Variants in KATNIP observed in about 807,000 individuals in gnomAD.
KATNIP encodes katanin-interacting protein.
KATNIP carries 126 observed loss-of-function variants against 174.0 expected under a neutral mutation model. The ratio of observed to expected loss-of-function variants is 0.72; its 90% CI spans 0.63 to 0.84. KATNIP has a LOEUF of 0.84. Among genes scored for constraint, KATNIP ranks in the 40% least tolerant of loss-of-function variants. The probability of loss-of-function intolerance (pLI) is 0.00; values close to 1 mark genes in which losing one functional copy is unlikely to be tolerated. For missense variants in KATNIP, 1,958 were observed against 2,109.7 expected (o/e 0.93, Z 1.41); for synonymous variants, 810 against 835.7 (o/e 0.97, Z 0.53).
At chr16:27,692,842 C>T (rs2142924236) in intron 8 of KATNIP, among the ~76,000 whole-genome samples, 1 of 152,332 alleles carries the variant, frequency 6.6e-6, no homozygotes, top group East Asian at 1.9e-4. Flanking sequence ...CCAAGAGCAG[C>T]ATCTCACTCA....
intron 14 of KATNIP, among the ~76,000 whole-genome samples, chr16:27,726,467 T>C (rs941347364): frequency 1.3e-5 from 2 of 152,090 alleles, no homozygotes; most frequent in African/African-American, 4.8e-5. Context: ...GCACTTTACA[T>C]TGTAATTAAT....
At chr16:27,650,097 C>T (rs1408058526) in intron 6 of KATNIP, among the ~76,000 whole-genome samples, 4 of 151,778 alleles carry the variant, frequency 2.6e-5, no homozygotes, top group South Asian at 2.1e-4. Context: ...CTCTTGAACC[C>T]GGGAGGCAGA....
intron 1 of KATNIP, among the ~76,000 whole-genome samples, chr16:27,551,688 C>T (rs531944033): frequency 6.6e-6 from 1 of 152,272 alleles, no homozygotes; most frequent in South Asian, 2.1e-4. Flanking sequence ...AGTTCGAGAC[C>T]AGCCTGGCCA....
Position 27,660,784 on chromosome 16 carries a change from C to A in KATNIP, c.540+12049C>A, listed in dbSNP as rs114251692. Among the ~76,000 whole-genome samples, 1,109 of 152,182 alleles carry A rather than the reference C, an allele frequency of 7.3e-3. 23 individuals are homozygous for A. The highest frequency in any genetic ancestry group is 0.025 in the African/African-American group (1,046 of 41,522). On this transcript the variant is annotated intron_variant, in intron 6 of 27. Transcript: ENST00000261588. The stretch of plus-strand genomic sequence containing the variant: ...TCAAGTAGCTCAGGATACAGGCACA[C>A]ACCACCGCATCCAGCTATTGCTCTA...
chr16:27,724,729 T>C (rs2080378266), intron 14 of KATNIP, among the ~76,000 whole-genome samples: 1 of 152,204 alleles, frequency 6.6e-6, no homozygotes, highest in Admixed American at 6.5e-5. Flanking sequence ...TGATTTAATA[T>C]TCTCCAGAGG....
At chr16:27,557,430 ATTTT>A (rs35106167) in intron 1 of KATNIP, among the ~76,000 whole-genome samples, 4 of 119,416 alleles carry the variant, frequency 3.3e-5, no homozygotes, top group East Asian at 2.5e-4. Context: ...ACAGGTGTGG[ATTTT>A]TTTTTTTTTT....
Position 27,658,460 on chromosome 16 carries a change from T to C in KATNIP, c.540+9725T>C, listed in dbSNP as rs376947690. Among the ~76,000 whole-genome samples, 287 of 152,350 alleles carry C rather than the reference T, an allele frequency of 1.9e-3. 11 individuals are homozygous for C. In the South Asian group the frequency reaches 0.056, roughly 30 times the overall value. ...ATCTTTTAAGTTACTTTGGACTTTT[T>C]GGCTTAGATTTGAGGACTGTAAAAA... On this transcript the variant is annotated intron_variant, in intron 6 of 27. Transcript: ENST00000261588.
chr16:27,620,197 G>A (rs749101050), intron 3 of KATNIP, among the ~76,000 whole-genome samples: 1 of 152,180 alleles, frequency 6.6e-6, no homozygotes, highest in Non-Finnish European at 1.5e-5. Context: ...AAATTTGGGG[G>A]GACGTGTTGT....
In KATNIP at chr16:27,763,912, C is replaced by T. The variant is rs1397647815; in HGVS notation, c.3809+2322C>T. ...GGTATTGTTTAGTCTGCTCCTTGCT[C>T]CCCTGTATTTCTAGTACATTGTTAA... On this transcript the variant is annotated intron_variant, in intron 19 of 27. Transcript: ENST00000261588. Among the ~76,000 whole-genome samples the T allele has an allele frequency of 2.6e-5, 4 of 152,104 alleles. No individual in the cohort carries two copies. The East Asian group carries it at 7.7e-4, about 29-fold the overall frequency.
chr16:27,621,052 T>C (rs1018946189), intron 3 of KATNIP, among the ~76,000 whole-genome samples: 1 of 152,066 alleles, frequency 6.6e-6, no homozygotes, highest in Non-Finnish European at 1.5e-5. Flanking sequence ...TAACCCCAAC[T>C]ATGCAGGAGG....
At chr16:27,754,561 C>G in intron 18 of KATNIP, 1 of 332,310 alleles carries the variant, frequency 3.0e-6, no homozygotes, top group Non-Finnish European at 5.6e-6. Context: ...TAGTTGGCAC[C>G]CAGAAAGTGT....
At chr16:27,744,581 C>A (rs890482739) in intron 15 of KATNIP, among the ~76,000 whole-genome samples, 6 of 150,882 alleles carry the variant, frequency 4.0e-5, no homozygotes, top group African/African-American at 1.5e-4. Flanking sequence ...GAGACCCTGT[C>A]TCTAAAAAAA....
chr16:27,703,627 G>C (rs1033627517), intron 11 of KATNIP, among the ~76,000 whole-genome samples: 4 of 152,204 alleles, frequency 2.6e-5, no homozygotes, highest in Admixed American at 2.6e-4. Context: ...CTCTGCTCTT[G>C]ACTCTCAAGT....
intron 6 of KATNIP, among the ~76,000 whole-genome samples, chr16:27,667,414 A>C (rs1212736288): frequency 6.6e-6 from 1 of 152,224 alleles, no homozygotes; most frequent in Non-Finnish European, 1.5e-5. Context: ...TTCATGGTCC[A>C]GGCAGATTAA....
At chr16:27,724,115 G>T (rs1216870649) in intron 14 of KATNIP, among the ~76,000 whole-genome samples, 1 of 152,134 alleles carries the variant, frequency 6.6e-6, no homozygotes, top group African/African-American at 2.4e-5. Flanking sequence ...AATTTCTCTG[G>T]GCATGTCTCT....
intron 14 of KATNIP, among the ~76,000 whole-genome samples, chr16:27,732,540 G>A (rs79972498): frequency 0.056 from 8,588 of 152,244 alleles, 327 homozygotes; most frequent in Non-Finnish European, 0.089. Flanking sequence ...AGCAGTAGGT[G>A]CAGAGAACCA....
At chr16:27,623,312 A>G (rs1304541154) in intron 3 of KATNIP, among the ~76,000 whole-genome samples, 1 of 152,192 alleles carries the variant, frequency 6.6e-6, no homozygotes, top group Non-Finnish European at 1.5e-5. Context: ...GTTCATTTCT[A>G]AAACAGGCCA....
At chr16:27,686,777 G>C (rs2078540417) in intron 8 of KATNIP, among the ~76,000 whole-genome samples, 1 of 151,900 alleles carries the variant, frequency 6.6e-6, no homozygotes, top group African/African-American at 2.4e-5. Flanking sequence ...CATTACCAGA[G>C]ATTACAACAT....
chr16:27,663,500 T>G (rs1245470976), intron 6 of KATNIP, among the ~76,000 whole-genome samples: 2 of 151,980 alleles, frequency 1.3e-5, no homozygotes, highest in South Asian at 2.1e-4. Flanking sequence ...TGGAGTGCAG[T>G]GCAACAGAGT....
Sources: allele counts gnomAD v4.1 joint callset (sites outside exome capture counted in the v4.1 genomes callset), GRCh38; gene constraint gnomAD v4.1.1; transcripts MANE v1.5; gene names NCBI Gene and HGNC (gene_info 2026-07-23, HGNC 2026-07-21).